Variants in TNIP1 observed in about 807,000 individuals in gnomAD.
The protein encoded by TNIP1 is TNFAIP3 interacting protein 1.
Under a neutral mutation model 86.6 loss-of-function variants are expected in TNIP1, and 22 were observed. The observed-to-expected ratio is 0.25, with a 90% CI of 0.18 to 0.36. The LOEUF is 0.36. TNIP1 is among the 10% of genes least tolerant of loss of function. The pLI, the probability that TNIP1 is intolerant of heterozygous loss-of-function variation, is 1.00. For synonymous variants in TNIP1, 294 were observed against 313.0 expected (o/e 0.94, Z 0.64); for missense variants, 709 against 820.6 (o/e 0.86, Z 1.66).
Position 151,033,725 on chromosome 5 carries a change from G to C in TNIP1, c.1662C>G (p.Pro554=). The C allele has an allele frequency of 7.4e-7, 1 of 1,359,784 alleles. No homozygotes were observed. 84.2% of individuals were successfully genotyped at this position (1,359,784 alleles called of 1,614,324 possible). A position where few individuals can be genotyped will look rare whatever the true frequency, so the allele number is the denominator to read the frequency against. The change falls in exon 16 of 18, where the codon CCC becomes CCG. Residue 554 remains proline (P), a synonymous_variant. Transcript: ENST00000521591. ...LCGAYPYAYP[P]MPAMVPHHGF... The stretch of plus-strand genomic sequence containing the variant: ...CATGGTGTGGCACCATGGCTGGCAT[G>C]GGCGGGTAGGCGTAGGGGTAGGCCC...
At chr5:151,032,559 T>G (rs1757043080) in intron 16 of TNIP1, 176 bp from the exon 17 acceptor site, 1 of 656,796 alleles carries the variant, frequency 1.5e-6, no homozygotes. Flanking sequence ...GGGGATAACT[T>G]GCTGAAGGTC....
rs556325108 is a variant in TNIP1 at position 151,069,600 on chromosome 5, T to C, written c.-36-4469A>G. 2.0e-5 allele frequency among the ~76,000 whole-genome samples: 3 copies of C among 151,782 alleles called. No individual in the cohort carries two copies. The East Asian group carries it at 5.9e-4, about 30-fold the overall frequency. On this transcript the variant is annotated intron_variant, in intron 1 of 17. Transcript: ENST00000521591. ...GCCCTCCCTGGCCCAGAGGGAAAAG[T>C]GTAAGCAAATCTCTGGTACAGGGAG...
rs760868810 is a variant in TNIP1 at position 151,059,828 on chromosome 5, A to AGTGTGTGTGTGTGT, written c.435+476_435+489dup. Among the ~76,000 whole-genome samples, 4 of 56,422 alleles carry AGTGTGTGTGTGTGT rather than the reference A, an allele frequency of 7.1e-5. No homozygotes were observed. The East Asian group carries it at 2.1e-3, about 30-fold the overall frequency. The allele number at this position is 56,422 out of a possible 152,430, so 37.0% of individuals were successfully genotyped here. Reference sequence around the variant, plus strand: ...GAGAGAGAGAGAGAGAGAGAGAGAGAGTGTGTGTGTGTGTGTGTGTGTGTG... The same window carrying AGTGTGTGTGTGTGT: ...GAGAGAGAGAGAGAGAGAGAGAGAGAGTGTGTGTGTGTGTGTGTGTGTGTGTGTGTGTGTGTGTG... On this transcript the variant is annotated intron_variant, in intron 5 of 17. Coordinates refer to ENST00000521591, the MANE Select transcript of TNIP1 (RefSeq NM_006058.5).
chr5:151,030,656 A>G lies in TNIP1; in HGVS notation c.*57T>C. Reference sequence around the variant, plus strand: ...GCAAGTGGCTTCTAGTTTCTTGGCAATCTGAGATCAGCTGGCTCTGCAAGA... The same window carrying G: ...GCAAGTGGCTTCTAGTTTCTTGGCAGTCTGAGATCAGCTGGCTCTGCAAGA... On this transcript the variant is annotated 3_prime_UTR_variant, in exon 18 of 18. Transcript: ENST00000521591. 6.2e-7 allele frequency: 1 copy of G among 1,613,432 alleles called. No homozygotes were observed. The highest frequency in any genetic ancestry group is 8.5e-7 in the Non-Finnish European group (1 of 1,179,606).
intron 16 of TNIP1, 29 bp from the exon 17 acceptor site, chr5:151,032,412 A>G: frequency 6.2e-7 from 1 of 1,608,026 alleles, no homozygotes; most frequent in Non-Finnish European, 8.5e-7. Flanking sequence ...TTAATAATCA[A>G]TAATCACACC....
In TNIP1 at chr5:151,051,774, A is replaced by G. The variant is rs113210399; in HGVS notation, c.722+391T>C. Among the ~76,000 whole-genome samples, 8 of 152,250 alleles carry G rather than the reference A, an allele frequency of 5.3e-5. 2 individuals are homozygous for G. The highest frequency in any genetic ancestry group is 1.9e-4 in the African/African-American group (8 of 41,550). ...ACCCTCAGTTAAGTCTAAGCCCCCT[A>G]GTCCAGTGGGGGAGCTCTCATGTTC... On this transcript the variant is annotated intron_variant, in intron 7 of 17. Transcript: ENST00000521591.
rs114540104 is a variant in TNIP1, at chr5:151,032,557, C to T, written c.1780-174G>A. The T allele has an allele frequency of 2.8e-3, 1,888 of 665,998 alleles. 28 individuals are homozygous for T. In the African/African-American group the frequency reaches 0.03, roughly 11 times the overall value. The allele number at this position is 665,998 out of a possible 1,614,324, so 41.3% of individuals were successfully genotyped here. Reference sequence around the variant, plus strand: ...GGAATCTGAGGCTCAGAGGGGATAACTTGCTGAAGGTCATCTAGCAAGGAG... The same window carrying T: ...GGAATCTGAGGCTCAGAGGGGATAATTTGCTGAAGGTCATCTAGCAAGGAG... On this transcript the variant is annotated intron_variant, in intron 16 of 17. Coordinates refer to ENST00000521591, the MANE Select transcript of TNIP1 (RefSeq NM_006058.5).
intron 1 of TNIP1, among the ~76,000 whole-genome samples, chr5:151,079,353 G>C (rs1257616053): frequency 6.6e-6 from 1 of 152,216 alleles, no homozygotes. Context: ...GCCGGGCGGG[G>C]CGGCTCACAC....
chr5:151,041,996 G>A (rs910767054), intron 11 of TNIP1, among the ~76,000 whole-genome samples: 8 of 149,662 alleles, frequency 5.3e-5, no homozygotes, highest in South Asian at 2.1e-4. Flanking sequence ...GCTGGAGTGC[G>A]ATGGTGCAAT....
chr5:151,047,285 G>A (rs1759299405), intron 8 of TNIP1, among the ~76,000 whole-genome samples: 1 of 152,204 alleles, frequency 6.6e-6, no homozygotes, highest in Non-Finnish European at 1.5e-5. Context: ...ATCTCCTCAT[G>A]AGATCCAATC....
At chr5:151,061,984 T>C in intron 4 of TNIP1, 143 bp downstream of exon 4, 1 of 716,620 alleles carries the variant, frequency 1.4e-6, no homozygotes, top group Non-Finnish European at 2.3e-6. Context: ...CCAGAGAGTT[T>C]GCGATGGACT....
intron 5 of TNIP1, 34 bp downstream of exon 5, chr5:151,060,284 C>G (rs1488267099): frequency 1.2e-6 from 2 of 1,610,048 alleles, no homozygotes; most frequent in South Asian, 2.2e-5. Context: ...AAGAGGGCAG[C>G]AGGTCAAGCC....
intron 1 of TNIP1, among the ~76,000 whole-genome samples, chr5:151,072,840 C>CTG (rs1302864666): frequency 6.6e-6 from 1 of 152,240 alleles, no homozygotes; most frequent in Non-Finnish European, 1.5e-5. Context: ...TTTCTTACAG[C>CTG]TGAGTCACCT....
chr5:151,068,482 G>A (rs1362190128), intron 1 of TNIP1, among the ~76,000 whole-genome samples: 1 of 152,196 alleles, frequency 6.6e-6, no homozygotes. Flanking sequence ...ATTCGAACAT[G>A]ACGATGGCAT....
intron 6 of TNIP1, among the ~76,000 whole-genome samples, chr5:151,053,478 T>C (rs1236783640): frequency 1.3e-5 from 2 of 151,724 alleles, no homozygotes; most frequent in Non-Finnish European, 2.9e-5. Context: ...ACAGTGAGAG[T>C]GGAAGTGTCC....
intron 1 of TNIP1, among the ~76,000 whole-genome samples, chr5:151,071,032 G>A (rs180887986): frequency 1.4e-5 from 2 of 145,390 alleles, no homozygotes; most frequent in Non-Finnish European, 3.0e-5. Flanking sequence ...TGTTAGGGGT[G>A]GGGGGGGCGC....
At chr5:151,031,948 C>T (rs768903723) in intron 17 of TNIP1, 57 of 206,960 alleles carry the variant, frequency 2.8e-4, no homozygotes, top group Non-Finnish European at 3.2e-4. Context: ...CTTTAGGGCA[C>T]TTGAGTGCAG....
intron 1 of TNIP1, among the ~76,000 whole-genome samples, chr5:151,067,055 G>A (rs3792788): frequency 0.022 from 3,384 of 152,250 alleles, 127 homozygotes; most frequent in East Asian, 0.15. Context: ...TGAATACACC[G>A]TGTGGGAGGC....
intron 4 of TNIP1, 134 bp from the exon 5 acceptor site, chr5:151,060,529 C>A: frequency 1.4e-6 from 1 of 725,276 alleles, no homozygotes. Context: ...TACATATCAT[C>A]TCACATGAGA....
Sources: allele counts gnomAD v4.1 joint callset (sites outside exome capture counted in the v4.1 genomes callset), GRCh38; gene constraint gnomAD v4.1.1; transcripts MANE v1.5; gene names NCBI Gene and HGNC (gene_info 2026-07-23, HGNC 2026-07-21).